Variants in SNX30 observed in about 807,000 individuals in gnomAD.
The protein encoded by SNX30 is sorting nexin family member 30.
SNX30 carries 24 observed loss-of-function variants against 46.4 expected under a neutral mutation model. The observed-to-expected ratio is 0.52, with a 90% CI of 0.37 to 0.73. The LOEUF is 0.73. Ranked by LOEUF, SNX30 falls within the 30% of genes least tolerant of loss-of-function variation. SNX30 has a pLI of 0.00. For synonymous variants in SNX30, 189 were observed against 211.5 expected (o/e 0.89, Z 0.92); for missense variants, 533 against 555.7 (o/e 0.96, Z 0.41).
In SNX30 at chr9:112,775,958, C is replaced by G. The variant is rs539645640; in HGVS notation, c.156+24801C>G. 2.0e-5 allele frequency among the ~76,000 whole-genome samples: 3 copies of G among 152,148 alleles called. No homozygotes were observed. The South Asian group carries it at 6.2e-4, about 32-fold the overall frequency. On this transcript the variant is annotated intron_variant, in intron 1 of 8. Transcript: ENST00000374232. ...ATGATTACATAGTATTCCATTGTTT[C>G]AATTAGTTCAGCACTTACTATTCCA...
chr9:112,840,152 A>T (rs1040388073), intron 6 of SNX30, among the ~76,000 whole-genome samples: 4 of 152,194 alleles, frequency 2.6e-5, no homozygotes, highest in African/African-American at 9.7e-5. Context: ...CCAAGCCAGG[A>T]TTGAATTTGG....
chr9:112,831,010 C>T (rs996620802), intron 4 of SNX30, 127 bp downstream of exon 4: 60 of 945,398 alleles, frequency 6.3e-5, no homozygotes, highest in African/African-American at 1.5e-4. Flanking sequence ...TGATGTTGTG[C>T]GCCTGTAGTC....
chr9:112,824,334 AT>A (rs5900019), intron 3 of SNX30, among the ~76,000 whole-genome samples: 91,586 of 151,952 alleles, frequency 0.6, 27,891 homozygotes, highest in South Asian at 0.76. Context: ...TGCAAATAGG[AT>A]TTTTTTGCAG....
chr9:112,807,834 C>T (rs10759586), intron 2 of SNX30, among the ~76,000 whole-genome samples: 90,893 of 152,104 alleles, frequency 0.6, 27,463 homozygotes, highest in South Asian at 0.76. Context: ...ACCTTTTTCC[C>T]TCTGTGTTCT....
At chr9:112,857,459 G>A (rs1295404955) in intron 7 of SNX30, among the ~76,000 whole-genome samples, 1 of 152,084 alleles carries the variant, frequency 6.6e-6, no homozygotes, top group Non-Finnish European at 1.5e-5. Flanking sequence ...AGAGGGCAGA[G>A]GACCAATCTC....
At chr9:112,879,525 G>A (rs916611059), downstream of SNX30, 6 of 493,972 alleles carry the variant, frequency 1.2e-5, no homozygotes, top group African/African-American at 9.6e-5. Context: ...ACAGAACCCA[G>A]TGTCTGCCTA....
chr9:112,820,335 C>A (rs1315804701), intron 3 of SNX30, among the ~76,000 whole-genome samples: 1 of 152,110 alleles, frequency 6.6e-6, no homozygotes, highest in African/African-American at 2.4e-5. Flanking sequence ...AACCAACCCC[C>A]CTCATCCGCT....
chr9:112,823,424 A>G (rs1281412594), intron 3 of SNX30, among the ~76,000 whole-genome samples: 2 of 152,190 alleles, frequency 1.3e-5, no homozygotes, highest in South Asian at 2.1e-4. Context: ...GGCAACCACC[A>G]TTCTATTTTC....
chr9:112,849,758 G>A lies in SNX30; in HGVS notation c.1015-1101G>A, dbSNP rs751901750. On this transcript the variant is annotated intron_variant, in intron 6 of 8. Transcript: ENST00000374232. ...GCACAGGCAGGGATATGGGGTGCCC[G>A]TGCTTAGCCAAGGAGTGACTCCTTC... is the stretch of plus-strand genomic sequence containing the variant. Among the ~76,000 whole-genome samples, 8 of 152,180 alleles carry A rather than the reference G, an allele frequency of 5.3e-5. No homozygotes were observed. In the East Asian group the frequency reaches 5.8e-4, roughly 11 times the overall value.
At chr9:112,855,630 CA>C (rs1268774994) in intron 7 of SNX30, among the ~76,000 whole-genome samples, 2 of 151,926 alleles carry the variant, frequency 1.3e-5, no homozygotes, top group Non-Finnish European at 2.9e-5. Context: ...GTGCTGAGGG[CA>C]GAGGATGCGG....
chr9:112,837,041 C>T (rs768092275), intron 5 of SNX30, among the ~76,000 whole-genome samples: 16 of 152,116 alleles, frequency 1.1e-4, no homozygotes, highest in Non-Finnish European at 1.6e-4. Flanking sequence ...GGCGGACAGA[C>T]GTGAGCAGTG....
chr9:112,793,439 A>G (rs1249841496), intron 1 of SNX30, among the ~76,000 whole-genome samples: 1 of 152,116 alleles, frequency 6.6e-6, no homozygotes, highest in Non-Finnish European at 1.5e-5. Flanking sequence ...CACTTGGTGT[A>G]TTTGCCTGTG....
intron 3 of SNX30, among the ~76,000 whole-genome samples, chr9:112,830,215 A>T (rs1013984405): frequency 6.6e-6 from 1 of 152,194 alleles, no homozygotes; most frequent in African/African-American, 2.4e-5. Context: ...CCTAAACCAA[A>T]AAATTGGCCT....
At chr9:112,850,733 GC>G in intron 6 of SNX30, 125 bp from the exon 7 acceptor site, 1 of 642,094 alleles carries the variant, frequency 1.6e-6, no homozygotes, top group Non-Finnish European at 2.8e-6. Flanking sequence ...TGTCCTAGGA[GC>G]ACATGGCTGG....
intron 1 of SNX30, among the ~76,000 whole-genome samples, chr9:112,764,256 G>A (rs1218856973): frequency 6.6e-6 from 1 of 152,238 alleles, no homozygotes; most frequent in African/African-American, 2.4e-5. Context: ...TGCACGCACA[G>A]CGAGCAAGGG....
At position 112,850,941 on chromosome 9, in the gene SNX30, C is replaced by G; in HGVS notation, c.1097C>G (p.Pro366Arg). The G allele has an allele frequency of 6.2e-7, 1 of 1,613,882 alleles. No individual in the cohort carries two copies. Among genetic ancestry groups the G allele is most frequent in the Non-Finnish European group, 8.5e-7 (1 of 1,179,904 alleles). ...GTGGCTCTGCGGAAGGAAGACCGCCCCAAGGTCAGGGAAGCCACCTGGGAA... is the reference window on the plus strand; with the variant it reads ...GTGGCTCTGCGGAAGGAAGACCGCCGCAAGGTCAGGGAAGCCACCTGGGAA... Reference protein sequence around the residue: ...EAVALRKEDRPKVPADVEKCQ... With the variant: ...EAVALRKEDRRKVPADVEKCQ... Residue 366 changes from proline (P) to arginine (R), a missense_variant, in exon 7 of 9, where the codon CCC (proline) becomes CGC (arginine). Pro to Arg is a moderately radical substitution (Grantham distance 103). Coordinates refer to ENST00000374232, the MANE Select transcript of SNX30 (RefSeq NM_001012994.2).
At chr9:112,881,842 G>A (rs1195736218), downstream of SNX30, among the ~76,000 whole-genome samples, 1 of 152,180 alleles carries the variant, frequency 6.6e-6, no homozygotes, top group Admixed American at 6.5e-5. Flanking sequence ...AGGAAGCTCT[G>A]GGAGCATGTA....
chr9:112,812,899 C>T (rs1840341372), intron 2 of SNX30, among the ~76,000 whole-genome samples: 1 of 152,160 alleles, frequency 6.6e-6, no homozygotes, highest in Non-Finnish European at 1.5e-5. Context: ...ATAATCCCAG[C>T]ACTTTGGGAA....
intron 1 of SNX30, among the ~76,000 whole-genome samples, chr9:112,760,665 C>T (rs927517392): frequency 3.9e-5 from 6 of 152,178 alleles, no homozygotes; most frequent in African/African-American, 9.7e-5. Flanking sequence ...GAAGTTAGAA[C>T]GGGTTCCTGG....
Sources: gnomAD v4.1 joint callset for allele counts (sites outside exome capture counted in the v4.1 genomes callset) on GRCh38, gnomAD v4.1.1 for gene constraint, MANE v1.5 for transcripts, NCBI Gene and HGNC (gene_info 2026-07-23, HGNC 2026-07-21) for gene names.